Variants in FREM1 observed in about 807,000 individuals in gnomAD.
FREM1 encodes the protein FRAS1-related extracellular matrix protein 1.
Under a neutral mutation model 210.1 loss-of-function variants are expected in FREM1, and 220 were observed. The ratio of observed to expected loss-of-function variants is 1.05; its 90% confidence interval spans 0.94 to 1.17. The LOEUF (loss-of-function observed/expected upper bound fraction) is 1.17. Ranked by LOEUF, FREM1 falls within the 50% of genes most tolerant of loss-of-function variation. The pLI is 0.00. For missense variants in FREM1, 3,454 were observed against 2,675.5 expected, an observed-to-expected ratio of 1.29 and a Z score of -6.42; for synonymous variants, 1,189 against 980.2, an observed-to-expected ratio of 1.21 and a Z score of -3.98.
intron 1 of FREM1, among the ~76,000 whole-genome samples, chr9:14,888,089 C>G (rs1333347040): frequency 1.3e-5 from 2 of 152,188 alleles, no homozygotes; most frequent in African/African-American, 4.8e-5. Flanking sequence ...TGAGCCACCA[C>G]GTCTGGCCAA....
chr9:14,876,707 C>G (rs1344042293), intron 1 of FREM1, among the ~76,000 whole-genome samples: 1 of 152,152 alleles, frequency 6.6e-6, no homozygotes, highest in East Asian at 1.9e-4. Context: ...CACTGTCTGG[C>G]ACTCCCTAGT....
chr9:14,857,075 G>A (rs1404275251), intron 5 of FREM1, among the ~76,000 whole-genome samples: 2 of 152,130 alleles, frequency 1.3e-5, no homozygotes, highest in Non-Finnish European at 1.5e-5. Context: ...TGATGAGCTA[G>A]CCCTTCATCC....
At chr9:14,799,453 G>A (rs1006667466) in intron 20 of FREM1, among the ~76,000 whole-genome samples, 2 of 152,090 alleles carry the variant, frequency 1.3e-5, no homozygotes, top group Non-Finnish European at 2.9e-5. Flanking sequence ...TAATTTCTGA[G>A]AAAGTCTCCA....
rs778888575 is a variant in FREM1, at chr9:14,747,062, G to A, written c.6010-11C>T. Reference sequence around the variant, plus strand: ...TGAGGGCAACTGGTCCTTTGGGAAGGAAAGGCAATTTAGCAATTTAGAATT... The same window carrying A: ...TGAGGGCAACTGGTCCTTTGGGAAGAAAAGGCAATTTAGCAATTTAGAATT... On this transcript the variant is annotated splice_polypyrimidine_tract_variant and intron_variant, in intron 33 of 36. Transcript: ENST00000380880. The A allele has an allele frequency of 2.0e-5, 33 of 1,612,844 alleles. No homozygotes were observed. The highest frequency in any genetic ancestry group is 3.3e-5 in the Admixed American group (2 of 59,798).
intron 10 of FREM1, among the ~76,000 whole-genome samples, chr9:14,825,667 AAC>A (rs1390318895): frequency 6.6e-6 from 1 of 150,930 alleles, no homozygotes; most frequent in Admixed American, 6.6e-5. Context: ...CTCTTCTACC[AAC>A]AACCTGTGCT....
chr9:14,759,032 C>T (rs1844947893), intron 28 of FREM1, among the ~76,000 whole-genome samples: 2 of 152,112 alleles, frequency 1.3e-5, no homozygotes, highest in African/African-American at 4.8e-5. Flanking sequence ...TAAGAGAAAG[C>T]CTCTTGGGAC....
rs200651941 is a variant in FREM1 at position 14,813,051 on chromosome 9, T to C, written c.2654A>G (p.Asn885Ser). The C allele has an allele frequency of 8.7e-5, 140 of 1,609,674 alleles. No individual in the cohort carries two copies. Among genetic ancestry groups the C allele is most frequent in the Non-Finnish European group, 1.1e-4 (129 of 1,176,914 alleles). ...FVLHVEVFPV[N>S]DEPPVLKADL... ...AGCCTTTAAGACTGGTGGCTCATCG[T>C]TGACAGGGAATACCTAGGCAATGGA... Residue 885 changes from asparagine to serine, a missense_variant, in exon 16 of 37, where the codon AAC (asparagine) becomes AGC (serine). Coordinates refer to ENST00000380880, the MANE Select transcript of FREM1 (RefSeq NM_001379081.2).
At chr9:14,793,503 G>A (rs996377822) in intron 21 of FREM1, among the ~76,000 whole-genome samples, 1 of 152,220 alleles carries the variant, frequency 6.6e-6, no homozygotes, top group African/African-American at 2.4e-5. Flanking sequence ...GGGCAGAGCT[G>A]CTGCTGATCC....
chr9:14,841,257 C>G (rs1193296812), intron 10 of FREM1, among the ~76,000 whole-genome samples, 190 bp downstream of exon 10: 1 of 152,196 alleles, frequency 6.6e-6, no homozygotes, highest in African/African-American at 2.4e-5. Flanking sequence ...ACATAGATAT[C>G]TATAAAAGTC....
At chr9:14,868,696 C>G in intron 2 of FREM1, 48 bp downstream of exon 2, 1 of 1,189,088 alleles carries the variant, frequency 8.4e-7, no homozygotes, top group Non-Finnish European at 1.2e-6. Context: ...TTTTCATACA[C>G]TTGCATTCAT....
At chr9:14,763,086 C>T (rs1845794056) in intron 27 of FREM1, among the ~76,000 whole-genome samples, 2 of 152,172 alleles carry the variant, frequency 1.3e-5, no homozygotes, top group Admixed American at 1.3e-4. Context: ...AACTGTATGC[C>T]ATGGACACAT....
chr9:14,796,288 T>A (rs994368777), intron 21 of FREM1, among the ~76,000 whole-genome samples: 1 of 152,148 alleles, frequency 6.6e-6, no homozygotes, highest in Non-Finnish European at 1.5e-5. Flanking sequence ...ACAACATGTC[T>A]CTTACTGTTG....
Position 14,823,160 on chromosome 9 carries a change from C to G in FREM1, c.2337G>C (p.Glu779Asp), listed in dbSNP as rs1821693443. The G allele has an allele frequency of 6.2e-7, 1 of 1,612,460 alleles. No individual in the cohort carries two copies. The highest frequency in any genetic ancestry group is 1.7e-5 in the Admixed American group (1 of 59,988). Residue 779 changes from glutamate (E) to aspartate (D), a missense_variant and splice_region_variant, in exon 13 of 37, where the codon GAG becomes GAC. Glu to Asp is a conservative substitution (Grantham distance 45, BLOSUM62 2). Coordinates refer to ENST00000380880, the MANE Select transcript of FREM1 (RefSeq NM_001379081.2). ...TILPVDNQVP[E>D]AFTNPLKVTE... ...CCTCTATATAGAACATTGTACATAC[C>G]TCAGGAACTTGATTGTCCACTGGGA...
rs2131465468 is a variant in FREM1, at chr9:14,855,008, C to A, written c.828+2545G>T. Among the ~76,000 whole-genome samples, 2 of 151,938 alleles carry A rather than the reference C, an allele frequency of 1.3e-5. 1 individual carries two copies. Among genetic ancestry groups the A allele is most frequent in the South Asian group, 4.2e-4 (2 of 4,816 alleles). The stretch of plus-strand genomic sequence containing the variant: ...AATTTTCCCCAAATAATTTATAGTT[C>A]TAATTGGATACTGATAAAAATCCTT... On this transcript the variant is annotated intron_variant, in intron 5 of 36. Coordinates refer to ENST00000380880, the MANE Select transcript of FREM1 (RefSeq NM_001379081.2).
intron 29 of FREM1, 108 bp downstream of exon 29, chr9:14,756,266 G>C: frequency 1.3e-6 from 1 of 787,276 alleles, no homozygotes; most frequent in Non-Finnish European, 2.0e-6. Context: ...GGAGTTTCTA[G>C]TTGGCTAAAG....
rs35187926 is a variant in FREM1 at position 14,775,707 on chromosome 9, C to CA, written c.4857+81dup. On this transcript the variant is annotated intron_variant, in intron 25 of 36. Coordinates refer to ENST00000380880, the MANE Select transcript of FREM1 (RefSeq NM_001379081.2). ...TGGGTGACAGAGAGAGACTCCCTCT[C>CA]AAAAAAAAAAAAAAAAAAAAAAAAT... The CA allele has an allele frequency of 8.1e-4, 305 of 375,288 alleles. 1 individual carries two copies. The African/African-American group carries it at 0.017, about 21-fold the overall frequency. The allele number at this position is 375,288 out of a possible 1,614,324, so 23.2% of individuals were successfully genotyped here. A position where few individuals can be genotyped will look rare whatever the true frequency, so the allele number is the denominator to read the frequency against.
intron 16 of FREM1, 73 bp from the exon 17 acceptor site, chr9:14,808,207 C>CCTG: frequency 2.1e-6 from 2 of 948,148 alleles, no homozygotes; most frequent in South Asian, 2.3e-5. Context: ...CTACTCACAC[C>CCTG]TCTTCTACAA....
At chr9:14,746,102 G>C (rs1188677709) in intron 35 of FREM1, among the ~76,000 whole-genome samples, 1 of 151,832 alleles carries the variant, frequency 6.6e-6, no homozygotes, top group Non-Finnish European at 1.5e-5. Context: ...AAAGAGCTCA[G>C]TCAAATATTA....
Position 14,806,642 on chromosome 9 carries a change from T to C in FREM1, c.3274+19A>G. 2.1e-6 allele frequency: 3 copies of C among 1,413,484 alleles called. No individual in the cohort carries two copies. Among genetic ancestry groups the C allele is most frequent in the Non-Finnish European group, 2.0e-6 (2 of 1,010,122 alleles). 87.6% of individuals were successfully genotyped at this position (1,413,484 alleles called of 1,614,324 possible). ...ATATAAGGAAGGGAGTCATTGCTGG[T>C]GACGAAGCTACAGCTTACCTATACT... On this transcript the variant is annotated intron_variant, in intron 18 of 36. Coordinates refer to ENST00000380880, the MANE Select transcript of FREM1 (RefSeq NM_001379081.2).
Sources: allele counts gnomAD v4.1 joint callset (sites outside exome capture counted in the v4.1 genomes callset), GRCh38; gene constraint gnomAD v4.1.1; transcripts MANE v1.5; gene names NCBI Gene and HGNC (gene_info 2026-07-23, HGNC 2026-07-21).